Variants in GNAQ observed in about 807,000 individuals in gnomAD.
The protein encoded by GNAQ is guanine nucleotide-binding protein G(q) subunit alpha.
GNAQ carries 8 observed loss-of-function variants against 43.9 expected under a neutral mutation model. That is an observed-to-expected ratio of 0.18 (90% CI 0.11 to 0.33). GNAQ has a LOEUF of 0.33. Among genes scored for constraint, GNAQ ranks in the 10% least tolerant of loss-of-function variants. GNAQ has a pLI of 1.00. For missense variants in GNAQ, 158 were observed against 450.8 expected (o/e 0.35, Z 5.88); for synonymous variants, 155 against 170.7 (o/e 0.91, Z 0.71).
intron 5 of GNAQ, among the ~76,000 whole-genome samples, chr9:77,740,816 C>A (rs1587892342): frequency 6.6e-6 from 1 of 152,154 alleles, no homozygotes; most frequent in African/African-American, 2.4e-5. Context: ...CAAATATACA[C>A]TAGACAATGC....
intron 2 of GNAQ, among the ~76,000 whole-genome samples, chr9:77,916,671 G>A (rs188206176): frequency 2.2e-4 from 33 of 152,122 alleles, no homozygotes; most frequent in Admixed American, 2.0e-3. Flanking sequence ...GCCTCAAAAC[G>A]CCTGGCTAGT....
intron 1 of GNAQ, among the ~76,000 whole-genome samples, chr9:77,958,167 G>C (rs1823065393): frequency 6.6e-6 from 1 of 152,142 alleles, no homozygotes; most frequent in Non-Finnish European, 1.5e-5. Flanking sequence ...GTTCAGTTTG[G>C]TGTCTGGAAT....
intron 1 of GNAQ, among the ~76,000 whole-genome samples, chr9:78,021,245 C>T (rs1029781273): frequency 1.3e-5 from 2 of 151,706 alleles, no homozygotes; most frequent in Admixed American, 6.6e-5. Flanking sequence ...AGGCTGGTCT[C>T]GAACTCTTGG....
At chr9:77,727,953 T>C (rs1407112050) in intron 6 of GNAQ, among the ~76,000 whole-genome samples, 1 of 152,074 alleles carries the variant, frequency 6.6e-6, no homozygotes, top group Non-Finnish European at 1.5e-5. Flanking sequence ...TCAAAACTAC[T>C]GGATTGTTCC....
intron 1 of GNAQ, among the ~76,000 whole-genome samples, chr9:77,964,164 T>C (rs974421079): frequency 2.0e-5 from 3 of 152,156 alleles, no homozygotes; most frequent in Admixed American, 6.5e-5. Flanking sequence ...AATAATATTA[T>C]CAGAAATAAA....
At chr9:77,768,599 C>T (rs1015813868) in intron 5 of GNAQ, among the ~76,000 whole-genome samples, 1 of 152,144 alleles carries the variant, frequency 6.6e-6, no homozygotes, top group Non-Finnish European at 1.5e-5. Flanking sequence ...TTAACTTTAA[C>T]GGCAAGCAGA....
chr9:78,030,396 C>G (rs560128480), intron 1 of GNAQ: 3 of 404,444 alleles, frequency 7.4e-6, no homozygotes, highest in East Asian at 1.5e-4. Context: ...AGGCTCCCTC[C>G]TTTCGATGGT....
intron 2 of GNAQ, among the ~76,000 whole-genome samples, chr9:77,894,701 G>A (rs1427818222): frequency 6.6e-6 from 1 of 151,498 alleles, no homozygotes; most frequent in African/African-American, 2.4e-5. Context: ...GATTACAAGC[G>A]TGAGCCACTG....
chr9:77,951,635 G>A (rs1822979014), intron 1 of GNAQ, among the ~76,000 whole-genome samples: 1 of 152,104 alleles, frequency 6.6e-6, no homozygotes, highest in South Asian at 2.1e-4. Context: ...CTCAGTCCAT[G>A]GTTGGAATAG....
Position 77,794,451 on chromosome 9 carries a change from A to T in GNAQ, c.735+12T>A. On this transcript the variant is annotated intron_variant, in intron 5 of 6. Coordinates refer to ENST00000286548, the MANE Select transcript of GNAQ (RefSeq NM_002072.5). ...AAAATGATAATCCATTGCCTGTCTAAAGAACACTTACCTCATTGTCTGACT... is the reference window on the plus strand; with the variant it reads ...AAAATGATAATCCATTGCCTGTCTATAGAACACTTACCTCATTGTCTGACT... The T allele has an allele frequency of 6.4e-7, 1 of 1,573,072 alleles. No individual in the cohort carries two copies. Among genetic ancestry groups the T allele is most frequent in the Non-Finnish European group, 8.7e-7 (1 of 1,151,962 alleles).
chr9:77,734,814 A>T (rs1213317116), intron 5 of GNAQ, among the ~76,000 whole-genome samples: 1 of 152,204 alleles, frequency 6.6e-6, no homozygotes, highest in Non-Finnish European at 1.5e-5. Flanking sequence ...TAAATGAGTG[A>T]AGTCCAGATA....
chr9:77,979,821 T>C (rs1823347513), intron 1 of GNAQ, among the ~76,000 whole-genome samples: 1 of 152,180 alleles, frequency 6.6e-6, no homozygotes. Flanking sequence ...TATGTGTAGG[T>C]TTGCTACATG....
chr9:77,906,282 C>T (rs192704538), intron 2 of GNAQ, among the ~76,000 whole-genome samples: 1 of 152,122 alleles, frequency 6.6e-6, no homozygotes, highest in Admixed American at 6.5e-5. Context: ...CATCAGTATT[C>T]AAAAATGTAG....
chr9:77,728,080 C>T (rs547929830), intron 6 of GNAQ, among the ~76,000 whole-genome samples: 3 of 152,060 alleles, frequency 2.0e-5, no homozygotes, highest in East Asian at 1.9e-4. Context: ...CTGCAACCTC[C>T]GCCTCCCGGG....
At chr9:77,991,286 C>A (rs1823504015) in intron 1 of GNAQ, among the ~76,000 whole-genome samples, 1 of 152,206 alleles carries the variant, frequency 6.6e-6, no homozygotes, top group Non-Finnish European at 1.5e-5. Flanking sequence ...GGCCTTTCCT[C>A]TTTATTAGTG....
intron 1 of GNAQ, among the ~76,000 whole-genome samples, chr9:77,945,327 A>G (rs1240847391): frequency 6.6e-6 from 1 of 152,178 alleles, no homozygotes; most frequent in East Asian, 1.9e-4. Context: ...AAAAAGTAAG[A>G]AAATAAGTAG....
chr9:78,027,751 CAAAA>C (rs34880934), intron 1 of GNAQ, among the ~76,000 whole-genome samples: 5 of 115,476 alleles, frequency 4.3e-5, no homozygotes, highest in Admixed American at 8.6e-5. Flanking sequence ...AACTCCATCT[CAAAA>C]AAAAAAAAAA....
chr9:77,827,903 A>G (rs548860065), intron 2 of GNAQ, among the ~76,000 whole-genome samples: 2 of 151,596 alleles, frequency 1.3e-5, no homozygotes, highest in African/African-American at 4.8e-5. Context: ...TACTAAAAAT[A>G]CAAAAAATTA....
intron 2 of GNAQ, 147 bp downstream of exon 2, chr9:77,922,014 A>G (rs568182030): frequency 4.2e-6 from 2 of 475,718 alleles, no homozygotes; most frequent in Non-Finnish European, 7.5e-6. Flanking sequence ...ATTATCTATT[A>G]AAAGTCTCAT....
Sources: gnomAD v4.1 joint callset for allele counts (sites outside exome capture counted in the v4.1 genomes callset) on GRCh38, gnomAD v4.1.1 for gene constraint, MANE v1.5 for transcripts, NCBI Gene and HGNC (gene_info 2026-07-23, HGNC 2026-07-21) for gene names.